The following CNOT1 variants were observed in gnomAD, a reference collection of about 807,000 sequenced individuals.
CNOT1 encodes CCR4-NOT transcription complex subunit 1, also known as CCR4-associated factor 1.
A neutral mutation model predicts 273.8 loss-of-function variants in CNOT1; 15 were observed. The ratio of observed to expected loss-of-function variants is 0.05; its 90% confidence interval spans 0.04 to 0.08. The LOEUF (loss-of-function observed/expected upper bound fraction) is 0.08, where lower values mean the gene tolerates loss of function less well. Among genes scored for constraint, CNOT1 ranks in the 10% least tolerant of loss-of-function variants. CNOT1 has a pLI of 1.00. For synonymous variants in CNOT1, 1,022 were observed against 1,005.5 expected (o/e 1.02, Z -0.31); for missense variants, 1,644 against 2,912.2 (o/e 0.56, Z 10.02).
rs761568119 is a variant in CNOT1, at chr16:58,582,802, A to C, written c.1035T>G (p.Leu345=). ...CATCACATATACTCACCAGTTCTTT[A>C]AGAACGTCAATCAAGACTTCTACAT... ...TWNVEVLIDV[L]KELNPSLNFK... The change falls in exon 10 of 49, where the codon CTT becomes CTG. Residue 345 remains leucine (L), a synonymous_variant. Transcript: ENST00000317147. The C allele has an allele frequency of 1.9e-5, 27 of 1,435,104 alleles. No individual in the cohort carries two copies. Among genetic ancestry groups the C allele is most frequent in the Non-Finnish European group, 2.7e-5 (27 of 1,016,808 alleles). 88.9% of individuals were successfully genotyped at this position (1,435,104 alleles called of 1,614,324 possible). A position where few individuals can be genotyped will look rare whatever the true frequency, so the allele number is the denominator to read the frequency against.
At position 58,560,268 on chromosome 16, in the gene CNOT1, T is replaced by C; in HGVS notation, c.2074A>G (p.Met692Val). 1 of 1,614,220 alleles carries C rather than the reference T, an allele frequency of 6.2e-7. No individual in the cohort carries two copies. The change falls in exon 17 of 49, where the codon ATG becomes GTG. Residue 692 changes from methionine (M) to valine (V), a missense_variant. Physicochemically the swap from Met to Val is conservative, Grantham distance 21. Coordinates refer to ENST00000317147, the MANE Select transcript of CNOT1 (RefSeq NM_016284.5). ...GCACTAGGAGGACGTCCTTTTGGCA[T>C]AACTCCAGGTGGTGGTTGTCTGGCC... is the stretch of plus-strand genomic sequence containing the variant. ...NKARQPPPGV[M>V]PKGRPPSASS... is the part of the protein sequence containing the mutation.
chr16:58,551,580 T>G lies in CNOT1; in HGVS notation c.3201+9A>C, dbSNP rs374886005. On this transcript the variant is annotated intron_variant, in intron 23 of 48. Coordinates refer to ENST00000317147, the MANE Select transcript of CNOT1 (RefSeq NM_016284.5). The stretch of plus-strand genomic sequence containing the variant: ...AATCCTGGAAGAGAAAAAAGATAGA[T>G]CTACTTACTGGCACATCTTTCTTAA... 1.6e-4 allele frequency: 259 copies of G among 1,610,424 alleles called. No individual in the cohort carries two copies. The highest frequency in any genetic ancestry group is 2.1e-4 in the Non-Finnish European group (253 of 1,176,792).
At chr16:58,585,753 T>G (rs1194139727) in intron 7 of CNOT1, among the ~76,000 whole-genome samples, 1 of 152,216 alleles carries the variant, frequency 6.6e-6, no homozygotes, top group African/African-American at 2.4e-5. Context: ...TTCCATCTAC[T>G]GACCAATTCG....
chr16:58,545,228 T>G, intron 30 of CNOT1, 133 bp downstream of exon 30: 2 of 1,421,098 alleles, frequency 1.4e-6, no homozygotes, highest in Non-Finnish European at 1.9e-6. Context: ...CAGTTCTAGA[T>G]CTCCATCCTC....
At chr16:58,548,611 TC>T (rs2151925912) in intron 25 of CNOT1, 2 of 519,138 alleles carry the variant, frequency 3.9e-6, no homozygotes, top group East Asian at 1.1e-4. Context: ...AATATTCCCA[TC>T]CACAGGTTTA....
chr16:58,618,568 G>A (rs13337332), intron 1 of CNOT1, among the ~76,000 whole-genome samples: 58,721 of 151,190 alleles, frequency 0.39, 12,780 homozygotes, highest in African/African-American at 0.59. Context: ...GGGCGACAGG[G>A]CGAGACTCCA....
intron 8 of CNOT1, among the ~76,000 whole-genome samples, chr16:58,584,533 T>C (rs568303425): frequency 2.0e-5 from 3 of 152,244 alleles, no homozygotes; most frequent in Admixed American, 6.5e-5. Flanking sequence ...GTCTTCACCA[T>C]GTTGGTCAGG....
At chr16:58,612,678 G>A (rs1247145190) in intron 1 of CNOT1, among the ~76,000 whole-genome samples, 3 of 152,132 alleles carry the variant, frequency 2.0e-5, no homozygotes, top group Non-Finnish European at 4.4e-5. Flanking sequence ...GGGGGATGTT[G>A]CAGTGAGCCG....
intron 25 of CNOT1, chr16:58,548,497 A>G (rs750002982): frequency 1.9e-6 from 1 of 514,570 alleles, no homozygotes; most frequent in African/African-American, 1.9e-5. Flanking sequence ...AACGAAATAG[A>G]GCCATGTTCC....
At chr16:58,610,073 A>C (rs1013241790) in intron 1 of CNOT1, among the ~76,000 whole-genome samples, 1 of 152,200 alleles carries the variant, frequency 6.6e-6, no homozygotes, top group African/African-American at 2.4e-5. Flanking sequence ...ACACTATGCA[A>C]CTAAGGCAGC....
In CNOT1 at chr16:58,544,889, C is replaced by T. The variant is rs541699717; in HGVS notation, c.4137+472G>A. On this transcript the variant is annotated intron_variant, in intron 30 of 48. Coordinates refer to ENST00000317147, the MANE Select transcript of CNOT1 (RefSeq NM_016284.5). ...TATTGTATCAGACCTCCTTCTGGAA[C>T]CAGGCCACAACAACATAACTCAAAG... Among the ~76,000 whole-genome samples the T allele has an allele frequency of 3.3e-5, 5 of 152,298 alleles. No homozygotes were observed. The South Asian group carries it at 1.0e-3, about 32-fold the overall frequency.
chr16:58,545,832 T>G (rs1380834095), intron 29 of CNOT1, among the ~76,000 whole-genome samples: 6 of 152,218 alleles, frequency 3.9e-5, no homozygotes, highest in Admixed American at 2.0e-4. Flanking sequence ...TATCTGGGGA[T>G]TCTCAGCTGC....
intron 1 of CNOT1, among the ~76,000 whole-genome samples, chr16:58,617,282 G>C (rs1300943680): frequency 6.6e-6 from 1 of 152,050 alleles, no homozygotes; most frequent in Admixed American, 6.6e-5. Context: ...GATCACTTAA[G>C]CCTGAGAGGT....
Position 58,547,044 on chromosome 16 carries a change from A to G in CNOT1, c.3750+142T>C, listed in dbSNP as rs1487453342. ...TTTCTTATTTCACCCAGCCTCTCAAATTGGAAATCCAAGTGCCATAGAGGA... is the reference window on the plus strand; with the variant it reads ...TTTCTTATTTCACCCAGCCTCTCAAGTTGGAAATCCAAGTGCCATAGAGGA... On this transcript the variant is annotated intron_variant, in intron 27 of 48. Coordinates refer to ENST00000317147, the MANE Select transcript of CNOT1 (RefSeq NM_016284.5). This position sits in a 1 kb window ranked among gnomAD's most constrained non-coding sequence, Gnocchi z 4.0. 1 of 1,234,390 alleles carries G rather than the reference A, an allele frequency of 8.1e-7. No individual in the cohort carries two copies. The highest frequency in any genetic ancestry group is 2.7e-4 in the Middle Eastern group (1 of 3,644). 76.5% of individuals were successfully genotyped at this position (1,234,390 alleles called of 1,614,324 possible).
At chr16:58,581,853 G>C (rs957175698) in intron 10 of CNOT1, among the ~76,000 whole-genome samples, 14 of 151,906 alleles carry the variant, frequency 9.2e-5, no homozygotes, top group Non-Finnish European at 2.9e-5. Context: ...AGTAGAGACA[G>C]GTTTTCGCCA....
At chr16:58,555,209 G>A (rs1486482333) in intron 21 of CNOT1, 42 bp downstream of exon 21, 1 of 1,601,168 alleles carries the variant, frequency 6.2e-7, no homozygotes, top group Non-Finnish European at 8.5e-7. Context: ...CCTGTCTGCG[G>A]GGTCAGGGAA....
intron 1 of CNOT1, among the ~76,000 whole-genome samples, chr16:58,619,838 T>A (rs529620187): frequency 6.6e-6 from 1 of 152,136 alleles, no homozygotes; most frequent in South Asian, 2.1e-4. Flanking sequence ...GAAAACTCTA[T>A]CCAAATAAAA....
At chr16:58,603,616 C>T (rs568981240) in intron 1 of CNOT1, among the ~76,000 whole-genome samples, 1 of 152,210 alleles carries the variant, frequency 6.6e-6, no homozygotes, top group African/African-American at 2.4e-5. Context: ...TACTCTTCTT[C>T]CCCTACTCAG....
In CNOT1 at chr16:58,547,210, G is replaced by A. The variant is rs770652904; in HGVS notation, c.3726C>T (p.Val1242=). ...CCACACTACGAATGCTAGATTCTAA[G>A]ACTTTGGCAACAAAGGGCACTACAT... ...LLYVVPFVAK[V]LESSIRSVVF... The change falls in exon 27 of 49, where the codon GTC becomes GTT. Residue 1242 remains valine (V), a synonymous_variant. Transcript: ENST00000317147. The surrounding 1 kb of genome is among the most constrained non-coding windows in gnomAD (Gnocchi z 4.0). 5 of 1,613,324 alleles carry A rather than the reference G, an allele frequency of 3.1e-6. No homozygotes were observed. Among genetic ancestry groups the A allele is most frequent in the Non-Finnish European group, 3.4e-6 (4 of 1,179,676 alleles).
Sources: allele counts gnomAD v4.1 joint callset (sites outside exome capture counted in the v4.1 genomes callset), GRCh38; gene constraint gnomAD v4.1.1; non-coding constraint Gnocchi (gnomAD v3.1); transcripts MANE v1.5; gene names NCBI Gene and HGNC (gene_info 2026-07-23, HGNC 2026-07-21).